SEPTIN14: variants seen among roughly 807,000 people sequenced by gnomAD.
The protein encoded by SEPTIN14 is septin-14.
Under a neutral mutation model 53.6 loss-of-function variants are expected in SEPTIN14, and 40 were observed. The observed-to-expected ratio is 0.75, with a 90% CI of 0.58 to 0.97. SEPTIN14 has a LOEUF of 0.97. Ranked by LOEUF, SEPTIN14 falls within the 50% of genes least tolerant of loss-of-function variation. The pLI is 0.00. For missense variants in SEPTIN14, 471 were observed against 508.2 expected (o/e 0.93, Z 0.70); for synonymous variants, 138 against 166.8 (o/e 0.83, Z 1.33).
At chr7:55,807,388 G>A in intron 7 of SEPTIN14, 130 bp from the exon 8 acceptor site, 1 of 586,338 alleles carries the variant, frequency 1.7e-6, no homozygotes, top group Non-Finnish European at 2.9e-6. Context: ...TTGATTAATA[G>A]CTATAATTCT....
intron 6 of SEPTIN14, among the ~76,000 whole-genome samples, chr7:55,821,995 G>T (rs2116001847): frequency 6.6e-6 from 1 of 152,270 alleles, no homozygotes; most frequent in Admixed American, 6.5e-5. Flanking sequence ...AAATTAGGAA[G>T]AAGCAAAAGC....
intron 2 of SEPTIN14, among the ~76,000 whole-genome samples, chr7:55,850,600 G>A (rs1789500517): frequency 6.6e-6 from 1 of 152,066 alleles, no homozygotes; most frequent in Non-Finnish European, 1.5e-5. Flanking sequence ...TGTACAACTA[G>A]TAAGTGTGCA....
intron 7 of SEPTIN14, among the ~76,000 whole-genome samples, chr7:55,814,043 C>T (rs1788751660): frequency 6.6e-6 from 1 of 152,174 alleles, no homozygotes; most frequent in Admixed American, 6.5e-5. Context: ...GACAGAGAGA[C>T]TCCTTCTGTT....
intron 2 of SEPTIN14, among the ~76,000 whole-genome samples, chr7:55,852,801 T>C (rs1385456088): frequency 6.6e-6 from 1 of 152,170 alleles, no homozygotes; most frequent in African/African-American, 2.4e-5. Flanking sequence ...GATAAGGGAT[T>C]AATAACCAGA....
intron 9 of SEPTIN14, among the ~76,000 whole-genome samples, chr7:55,802,802 TA>T: frequency 6.6e-6 from 1 of 151,522 alleles, no homozygotes; most frequent in South Asian, 2.1e-4. Context: ...ATCAACAGAC[TA>T]AAGAAACAAA....
chr7:55,839,562 A>T (rs1335777944), intron 5 of SEPTIN14, among the ~76,000 whole-genome samples: 1 of 152,180 alleles, frequency 6.6e-6, no homozygotes, highest in Admixed American at 6.5e-5. Flanking sequence ...ACTGCATCTC[A>T]TTTATAAATA....
chr7:55,833,558 A>T (rs1789149837), intron 6 of SEPTIN14, among the ~76,000 whole-genome samples: 2 of 151,800 alleles, frequency 1.3e-5, no homozygotes, highest in Non-Finnish European at 2.9e-5. Context: ...AAACACAAAA[A>T]TTAGCCAAGT....
intron 2 of SEPTIN14, among the ~76,000 whole-genome samples, chr7:55,848,858 C>T (rs1266524704): frequency 8.6e-5 from 13 of 151,612 alleles, no homozygotes; most frequent in African/African-American, 2.9e-4. Context: ...CCGCCCGCCT[C>T]GGCCTCCCAA....
At chr7:55,822,907 C>T (rs1788922123) in intron 6 of SEPTIN14, among the ~76,000 whole-genome samples, 1 of 151,564 alleles carries the variant, frequency 6.6e-6, no homozygotes, top group South Asian at 2.1e-4. Context: ...CCTTTCTTCA[C>T]CATCCAGAAC....
At chr7:55,851,836 G>C (rs1471029577) in intron 2 of SEPTIN14, among the ~76,000 whole-genome samples, 1 of 151,608 alleles carries the variant, frequency 6.6e-6, no homozygotes, top group African/African-American at 2.4e-5. Flanking sequence ...GTGAAACCCT[G>C]TCTCTACTAA....
chr7:55,807,005 A>C, intron 8 of SEPTIN14, 85 bp downstream of exon 8: 42 of 878,996 alleles, frequency 4.8e-5, no homozygotes, highest in Non-Finnish European at 6.8e-5. Flanking sequence ...AAGTATAATT[A>C]TTCTCATATC....
At chr7:55,834,356 A>C (rs1562714555) in intron 6 of SEPTIN14, 69 bp downstream of exon 6, 5 of 1,223,334 alleles carry the variant, frequency 4.1e-6, no homozygotes, top group Non-Finnish European at 5.6e-6. Flanking sequence ...AAAATTAAAA[A>C]TTCTCACACT....
intron 7 of SEPTIN14, among the ~76,000 whole-genome samples, chr7:55,816,662 C>T (rs1788797048): frequency 6.6e-6 from 1 of 151,646 alleles, no homozygotes; most frequent in African/African-American, 2.4e-5. Flanking sequence ...AAAAAATTAC[C>T]CAGGCTTGGT....
rs138693797 is a variant in SEPTIN14 at position 55,815,821 on chromosome 7, A to G, written c.817+3306T>C. Among the ~76,000 whole-genome samples, 210 of 152,322 alleles carry G rather than the reference A, an allele frequency of 1.4e-3. 2 individuals carry two copies. Among genetic ancestry groups the G allele is most frequent in the Middle Eastern group, 0.01 (3 of 294 alleles). Reference sequence around the variant, plus strand: ...TCAAAAAACTAAAAATAGAACTACCATATGATCCAGCAATCCCACTAGTAG... The same window carrying G: ...TCAAAAAACTAAAAATAGAACTACCGTATGATCCAGCAATCCCACTAGTAG... On this transcript the variant is annotated intron_variant, in intron 7 of 9. Coordinates refer to ENST00000388975, the MANE Select transcript of SEPTIN14 (RefSeq NM_207366.3).
In SEPTIN14 at chr7:55,819,213, G is replaced by T; in HGVS notation, c.731C>A (p.Pro244His). The T allele has an allele frequency of 6.4e-7, 1 of 1,564,938 alleles. No individual in the cohort carries two copies. Residue 244 changes from proline (P) to histidine (H), a missense_variant, in exon 7 of 10, where the codon CCC becomes CAC. Coordinates refer to ENST00000388975, the MANE Select transcript of SEPTIN14 (RefSeq NM_207366.3). ...QANSSVSGLLPFAVVGSTDEV... is the reference protein window; with the variant it reads ...QANSSVSGLLHFAVVGSTDEV... Reference sequence around the variant, plus strand: ...ATCTGTACTCCCTACCACAGCAAAGGGTAACAGCCCCTAGAAAACAAGAAT... The same window carrying T: ...ATCTGTACTCCCTACCACAGCAAAGTGTAACAGCCCCTAGAAAACAAGAAT...
At chr7:55,848,352 G>C (rs1789453100) in intron 2 of SEPTIN14, among the ~76,000 whole-genome samples, 1 of 152,086 alleles carries the variant, frequency 6.6e-6, no homozygotes, top group Non-Finnish European at 1.5e-5. Flanking sequence ...TGTAGAGAAG[G>C]GGTTTCACCA....
chr7:55,851,059 A>G (rs955920696), intron 2 of SEPTIN14, among the ~76,000 whole-genome samples: 1 of 152,210 alleles, frequency 6.6e-6, no homozygotes, highest in South Asian at 2.1e-4. Flanking sequence ...CCTGGGCCAC[A>G]AGAGTGAAAC....
intron 2 of SEPTIN14, among the ~76,000 whole-genome samples, chr7:55,860,465 A>G (rs1183987482): frequency 2.0e-5 from 3 of 152,186 alleles, no homozygotes; most frequent in African/African-American, 4.8e-5. Flanking sequence ...CTGATGTTCT[A>G]TAGCAGAGTA....
intron 6 of SEPTIN14, among the ~76,000 whole-genome samples, chr7:55,832,333 A>G (rs980494972): frequency 1.3e-5 from 2 of 152,194 alleles, no homozygotes; most frequent in African/African-American, 4.8e-5. Flanking sequence ...AACAACCTCT[A>G]TGAAAAACAG....
Sources: gnomAD v4.1 joint callset for allele counts (sites outside exome capture counted in the v4.1 genomes callset) on GRCh38, gnomAD v4.1.1 for gene constraint, MANE v1.5 for transcripts, NCBI Gene and HGNC (gene_info 2026-07-23, HGNC 2026-07-21) for gene names.